The following STARD13 variants were observed in gnomAD, a reference collection of about 807,000 sequenced individuals.
STARD13 encodes stAR-related lipid transfer protein 13.
STARD13 carries 62 observed loss-of-function variants against 106.4 expected under a neutral mutation model. The ratio of observed to expected loss-of-function variants is 0.58; its 90% CI spans 0.48 to 0.72. The LOEUF is 0.72. STARD13 is among the 30% of genes least tolerant of loss of function. The pLI is 0.00. For synonymous variants in STARD13, 565 were observed against 553.0 expected, an observed-to-expected ratio of 1.02 and a Z score of -0.31; for missense variants, 1,387 against 1,424.0, an observed-to-expected ratio of 0.97 and a Z score of 0.42.
rs755389382 is a variant in STARD13 at position 33,106,716 on chromosome 13, C to T, written c.3224+42G>A. ...GCTGGATGTGCTGTACAAGCTGAGA[C>T]TCCCAAGATCTGAGCCTGCCATTAA... On this transcript the variant is annotated intron_variant, in intron 13 of 13. Coordinates refer to ENST00000336934, the MANE Select transcript of STARD13 (RefSeq NM_178006.4). The T allele has an allele frequency of 6.0e-5, 92 of 1,539,996 alleles. No individual in the cohort carries two copies. In the Admixed American group the frequency reaches 1.6e-3, roughly 27 times the overall value.
At chr13:33,190,852 G>T (rs1314911110) in intron 1 of STARD13, among the ~76,000 whole-genome samples, 4 of 146,496 alleles carry the variant, frequency 2.7e-5, no homozygotes, top group African/African-American at 8.3e-5. Context: ...CCAAAGTGCT[G>T]GGATTACAGG....
At chr13:33,232,857 C>G (rs1433715889) in intron 1 of STARD13, among the ~76,000 whole-genome samples, 2 of 152,200 alleles carry the variant, frequency 1.3e-5, no homozygotes, top group Non-Finnish European at 2.9e-5. Flanking sequence ...CCTTGTTCCT[C>G]CCTAATTCCC....
chr13:33,466,833 T>G, the STARD13 span, among the ~76,000 whole-genome samples: 2 of 152,284 alleles, frequency 1.3e-5, no homozygotes, highest in East Asian at 3.9e-4. Context: ...ACAAAGTACT[T>G]TAAGAGTCAG....
chr13:33,591,812 A>T, the STARD13 span, among the ~76,000 whole-genome samples: 25 of 151,770 alleles, frequency 1.6e-4, no homozygotes, highest in African/African-American at 5.3e-4. Flanking sequence ...GGAAGGAAAA[A>T]AAAGAAACAT....
intron 9 of STARD13, among the ~76,000 whole-genome samples, chr13:33,112,421 T>G (rs551416809): frequency 6.6e-6 from 1 of 152,342 alleles, no homozygotes; most frequent in African/African-American, 2.4e-5. Flanking sequence ...ACACATTTTA[T>G]CTATCTATAA....
intron 3 of STARD13, among the ~76,000 whole-genome samples, chr13:33,153,868 T>C (rs1008751068): frequency 6.6e-6 from 1 of 152,218 alleles, no homozygotes; most frequent in South Asian, 2.1e-4. Context: ...CCTATGTATG[T>C]CCTAGCCCGG....
the STARD13 span, among the ~76,000 whole-genome samples, chr13:33,444,732 G>T: frequency 6.6e-6 from 1 of 152,114 alleles, no homozygotes; most frequent in Non-Finnish European, 1.5e-5. Context: ...TCCCACCACT[G>T]CACTCCAGCC....
At chr13:33,394,976 T>A in the STARD13 span, among the ~76,000 whole-genome samples, 1 of 152,242 alleles carries the variant, frequency 6.6e-6, no homozygotes, top group Non-Finnish European at 1.5e-5. Context: ...GTTGAAATTG[T>A]AACGGGCCTT....
At chr13:33,411,837 A>C in the STARD13 span, among the ~76,000 whole-genome samples, 1 of 152,214 alleles carries the variant, frequency 6.6e-6, no homozygotes, top group African/African-American at 2.4e-5. Flanking sequence ...AAAGAAATGG[A>C]TCGTCAACCC....
chr13:33,144,015 A>G (rs1475292177), intron 3 of STARD13, among the ~76,000 whole-genome samples: 3 of 152,220 alleles, frequency 2.0e-5, no homozygotes, highest in South Asian at 2.1e-4. Flanking sequence ...TCTGGACACC[A>G]TCTCCTTCCT....
At chr13:33,227,981 G>T (rs1367206374) in intron 1 of STARD13, among the ~76,000 whole-genome samples, 1 of 152,144 alleles carries the variant, frequency 6.6e-6, no homozygotes, top group African/African-American at 2.4e-5. Flanking sequence ...ATGTGCGATC[G>T]TAAAACGAAA....
At chr13:33,169,903 C>T (rs1377608860) in intron 1 of STARD13, among the ~76,000 whole-genome samples, 4 of 152,134 alleles carry the variant, frequency 2.6e-5, no homozygotes, top group African/African-American at 9.7e-5. Flanking sequence ...AGAAAACTCC[C>T]TTTGGAACAT....
the STARD13 span, among the ~76,000 whole-genome samples, chr13:33,548,946 C>T: frequency 2.8e-4 from 43 of 151,456 alleles, no homozygotes; most frequent in African/African-American, 9.5e-4. Flanking sequence ...TATCTAATCT[C>T]GGGATAGAAA....
the STARD13 span, among the ~76,000 whole-genome samples, chr13:33,599,620 G>C: frequency 6.6e-6 from 1 of 152,064 alleles, no homozygotes; most frequent in Non-Finnish European, 1.5e-5. Flanking sequence ...CCACAAGAAG[G>C]CCTTTTTAAG....
At chr13:33,342,124 T>C (rs556884006) in intron 1 of STARD13, among the ~76,000 whole-genome samples, 3 of 152,290 alleles carry the variant, frequency 2.0e-5, no homozygotes, top group South Asian at 4.1e-4. Flanking sequence ...ACATTGGTTA[T>C]CTATTTATAT....
At chr13:33,222,842 C>G (rs913255046) in intron 1 of STARD13, among the ~76,000 whole-genome samples, 7 of 152,188 alleles carry the variant, frequency 4.6e-5, no homozygotes, top group African/African-American at 1.7e-4. Context: ...CAAATAATGT[C>G]ACAGAGAGAA....
intron 1 of STARD13, among the ~76,000 whole-genome samples, chr13:33,314,450 A>C (rs1027972113): frequency 2.0e-5 from 3 of 152,216 alleles, no homozygotes; most frequent in African/African-American, 7.2e-5. Flanking sequence ...TTATCAGGAT[A>C]AGGACTTTGG....
chr13:33,576,728 A>G, the STARD13 span, among the ~76,000 whole-genome samples: 627 of 152,336 alleles, frequency 4.1e-3, 5 homozygotes, highest in South Asian at 7.5e-3. Context: ...GATAGGTGGG[A>G]TAAAAATAAT....
chr13:33,490,114 T>A, the STARD13 span, among the ~76,000 whole-genome samples: 1 of 152,216 alleles, frequency 6.6e-6, no homozygotes, highest in Non-Finnish European at 1.5e-5. Context: ...ATAAATGGAA[T>A]TAATGACAAT....
Sources: allele counts gnomAD v4.1 joint callset (sites outside exome capture counted in the v4.1 genomes callset), GRCh38; gene constraint gnomAD v4.1.1; transcripts MANE v1.5; gene names NCBI Gene and HGNC (gene_info 2026-07-23, HGNC 2026-07-21).